The following JCAD variants were observed in gnomAD, a reference collection of about 807,000 sequenced individuals.
JCAD encodes the protein junctional cadherin 5 associated.
In JCAD, 40 loss-of-function variants were observed where a neutral mutation model predicts 98.0. That is an observed-to-expected ratio of 0.41 (90% CI 0.32 to 0.53). The LOEUF (loss-of-function observed/expected upper bound fraction) is 0.53, where lower values mean the gene tolerates loss of function less well. Ranked by LOEUF, JCAD falls within the 20% of genes least tolerant of loss-of-function variation. The pLI is 0.31. For synonymous variants in JCAD, 691 were observed against 682.3 expected (o/e 1.01, Z -0.20); for missense variants, 1,705 against 1,738.1 (o/e 0.98, Z 0.34).
chr10:30,110,284 C>T (rs1011624206), intron 1 of JCAD, among the ~76,000 whole-genome samples: 2 of 151,124 alleles, frequency 1.3e-5, no homozygotes, highest in African/African-American at 2.4e-5. Flanking sequence ...GATGTATAGA[C>T]CAGCTGATGT....
Position 30,028,228 on chromosome 10 carries a change from G to A in JCAD, c.1920C>T (p.Ser640=), listed in dbSNP as rs1361460243. ...TDLELQALTG[S]MGGRTEFQKQ... ...TTTGGAACTCCGTTCTCCCACCCAT[G>A]CTTCCTGTGAGGGCCTGCAGCTCCA... Residue 640 remains serine (S), a synonymous_variant, in exon 3 of 4, where the codon AGC becomes AGT. Coordinates refer to ENST00000375377, the MANE Select transcript of JCAD (RefSeq NM_020848.4). 6.2e-7 allele frequency: 1 copy of A among 1,614,198 alleles called. No individual in the cohort carries two copies. Among genetic ancestry groups the A allele is most frequent in the South Asian group, 1.1e-5 (1 of 91,078 alleles).
intron 2 of JCAD, among the ~76,000 whole-genome samples, chr10:30,045,700 C>T (rs372872209): frequency 2.9e-4 from 44 of 152,254 alleles, no homozygotes; most frequent in African/African-American, 8.7e-4. Context: ...TGACAGTAGT[C>T]GACAGAAGTG....
intron 2 of JCAD, among the ~76,000 whole-genome samples, chr10:30,064,600 G>C (rs1022908908): frequency 6.6e-6 from 1 of 151,876 alleles, no homozygotes; most frequent in Non-Finnish European, 1.5e-5. Flanking sequence ...CCTTCTGTGA[G>C]ATAGAACACC....
At chr10:30,077,679 T>G (rs1213090189) in intron 1 of JCAD, among the ~76,000 whole-genome samples, 3 of 152,202 alleles carry the variant, frequency 2.0e-5, no homozygotes, top group Admixed American at 6.5e-5. Flanking sequence ...TCATATAATA[T>G]TTCTCATTTT....
At chr10:30,050,208 A>G (rs1213047130) in intron 1 of JCAD, among the ~76,000 whole-genome samples, 1 of 151,524 alleles carries the variant, frequency 6.6e-6, no homozygotes, top group Admixed American at 6.6e-5. Flanking sequence ...CCAGTTACTC[A>G]AGAGCCTGAA....
intron 1 of JCAD, among the ~76,000 whole-genome samples, chr10:30,075,617 A>C (rs1192244377): frequency 6.6e-6 from 1 of 152,218 alleles, no homozygotes; most frequent in Non-Finnish European, 1.5e-5. Flanking sequence ...CGCGGAATAC[A>C]AATTCTTGCA....
At chr10:30,055,605 C>T (rs889655599) in intron 1 of JCAD, among the ~76,000 whole-genome samples, 3 of 152,208 alleles carry the variant, frequency 2.0e-5, no homozygotes, top group African/African-American at 4.8e-5. Context: ...CCATACCACA[C>T]GTGTGATGAC....
chr10:30,100,468 G>A (rs535352826), intron 1 of JCAD, among the ~76,000 whole-genome samples: 10 of 152,084 alleles, frequency 6.6e-5, no homozygotes, highest in South Asian at 2.1e-4. Context: ...TGCAACCTCC[G>A]CCTCCTGGGT....
chr10:30,091,996 C>A (rs1385923865), intron 1 of JCAD, among the ~76,000 whole-genome samples: 1 of 124,052 alleles, frequency 8.1e-6, no homozygotes, highest in Non-Finnish European at 1.6e-5. Flanking sequence ...CCATTGCACT[C>A]CAGCCTGGGC....
intron 3 of JCAD, among the ~76,000 whole-genome samples, chr10:30,022,760 T>A (rs942224802): frequency 6.6e-6 from 1 of 152,158 alleles, no homozygotes; most frequent in Non-Finnish European, 1.5e-5. Context: ...AGTGGTCCCA[T>A]AAGATAATAA....
intron 2 of JCAD, among the ~76,000 whole-genome samples, chr10:30,038,480 T>TA (rs1837167792): frequency 1.3e-5 from 2 of 151,700 alleles, no homozygotes; most frequent in Admixed American, 1.3e-4. Flanking sequence ...GCCCAGGAGT[T>TA]AGAGACCAGC....
At chr10:30,098,086 G>A (rs16931056) in intron 1 of JCAD, among the ~76,000 whole-genome samples, 8,326 of 152,184 alleles carry the variant, frequency 0.055, 303 homozygotes, top group East Asian at 0.21. Flanking sequence ...TGCTGGTCAC[G>A]TCTCAGTCCC....
At chr10:30,113,465 C>T (rs1564477680) in intron 1 of JCAD, among the ~76,000 whole-genome samples, 1 of 144,172 alleles carries the variant, frequency 6.9e-6, no homozygotes, top group South Asian at 2.3e-4. Context: ...GGAGGAGAAT[C>T]GCTTGAACCC....
rs1836861224 is a variant in JCAD at position 30,027,627 on chromosome 10, C to T, written c.2521G>A (p.Glu841Lys). The T allele has an allele frequency of 1.9e-6, 3 of 1,614,142 alleles. No individual in the cohort carries two copies. In the African/African-American group the frequency reaches 4.0e-5, roughly 22 times the overall value. ...CTGCTTTCTTCCTCTTCCTGGAGCT[C>T]CTTGTTAAAACTTTCTAACTGACTG... is the stretch of plus-strand genomic sequence containing the variant. ...LISQLESFNK[E>K]LQEEEESSSS... Residue 841 changes from glutamate to lysine, a missense_variant, in exon 3 of 4, where the codon GAG (glutamate) becomes AAG (lysine). Physicochemically the swap from Glu to Lys is moderately conservative, Grantham distance 56. Transcript: ENST00000375377.
chr10:30,072,114 A>C (rs1837903004), intron 1 of JCAD, among the ~76,000 whole-genome samples: 1 of 151,930 alleles, frequency 6.6e-6, no homozygotes, highest in African/African-American at 2.4e-5. Flanking sequence ...GAAGGAAGGA[A>C]AGAAGGAAGG....
chr10:30,017,578 C>T lies in JCAD; in HGVS notation c.*305G>A, dbSNP rs1836560494. The T allele has an allele frequency of 2.1e-6, 1 of 472,756 alleles. No individual in the cohort carries two copies. The highest frequency in any genetic ancestry group is 2.0e-5 in the African/African-American group (1 of 50,034). 29.3% of individuals were successfully genotyped at this position (472,756 alleles called of 1,614,324 possible). A position where few individuals can be genotyped will look rare whatever the true frequency, so the allele number is the denominator to read the frequency against. On this transcript the variant is annotated 3_prime_UTR_variant, in exon 4 of 4. Coordinates refer to ENST00000375377, the MANE Select transcript of JCAD (RefSeq NM_020848.4). ...CACCCAGAATGAGAGCAACACCAAA[C>T]TATTTACCAGCTTAGTCAAATCTGT...
At chr10:30,035,457 G>A (rs1026580072) in intron 2 of JCAD, among the ~76,000 whole-genome samples, 2 of 152,158 alleles carry the variant, frequency 1.3e-5, no homozygotes, top group African/African-American at 4.8e-5. Flanking sequence ...CATCTATTTT[G>A]TACCTAGCAA....
intron 3 of JCAD, among the ~76,000 whole-genome samples, chr10:30,024,679 C>T (rs920405006): frequency 6.6e-6 from 1 of 151,012 alleles, no homozygotes; most frequent in Non-Finnish European, 1.5e-5. Context: ...CTTGAGAGTG[C>T]CCATGTACAT....
chr10:30,047,916 A>G, intron 1 of JCAD, 45 bp from the exon 2 acceptor site: 1 of 1,295,840 alleles, frequency 7.7e-7, no homozygotes, highest in Non-Finnish European at 1.1e-6. Context: ...GTCTCCCTAG[A>G]GGTCAGTCTG....
Sources: allele counts gnomAD v4.1 joint callset (sites outside exome capture counted in the v4.1 genomes callset), GRCh38; gene constraint gnomAD v4.1.1; transcripts MANE v1.5; gene names NCBI Gene and HGNC (gene_info 2026-07-23, HGNC 2026-07-21).